Variants in SOX5 observed in about 807,000 individuals in gnomAD.
The protein encoded by SOX5 is transcription factor SOX-5.
Under a neutral mutation model 92.0 loss-of-function variants are expected in SOX5, and 9 were observed. That is an observed-to-expected ratio of 0.10 (90% confidence interval 0.06 to 0.17). The LOEUF is 0.17. Among genes scored for constraint, SOX5 ranks in the 10% least tolerant of loss-of-function variants. The pLI is 1.00. For missense variants in SOX5, 642 were observed against 944.5 expected, an observed-to-expected ratio of 0.68 and a Z score of 4.20; for synonymous variants, 344 against 336.3, an observed-to-expected ratio of 1.02 and a Z score of -0.25.
chr12:24,420,809 A>G (rs1470780502), intron 1 of SOX5, among the ~76,000 whole-genome samples: 1 of 152,168 alleles, frequency 6.6e-6, no homozygotes. Flanking sequence ...TAAATGCATC[A>G]CTTCTTATAG....
intron 3 of SOX5, among the ~76,000 whole-genome samples, chr12:24,251,443 G>T (rs985987064): frequency 6.6e-6 from 1 of 151,972 alleles, no homozygotes; most frequent in Non-Finnish European, 1.5e-5. Context: ...AATAAAATAG[G>T]TCCCATTTGC....
intron 7 of SOX5, among the ~76,000 whole-genome samples, chr12:23,652,060 C>T (rs1474838970): frequency 6.6e-6 from 1 of 151,958 alleles, no homozygotes; most frequent in Non-Finnish European, 1.5e-5. Flanking sequence ...TTTCTCTCAT[C>T]TAAATTGTTA....
chr12:24,464,507 A>AT (rs1169532791), intron 1 of SOX5, among the ~76,000 whole-genome samples: 1 of 151,864 alleles, frequency 6.6e-6, no homozygotes, highest in South Asian at 2.1e-4. Flanking sequence ...CGCCCAGCTA[A>AT]TTTTTTTGTA....
At position 23,693,191 on chromosome 12, in the gene SOX5, T is replaced by G. The variant is rs188095286; in HGVS notation, c.811-27627A>C. Among the ~76,000 whole-genome samples the G allele has an allele frequency of 5.6e-3, 846 of 152,310 alleles. 8 individuals carry two copies. Among genetic ancestry groups the G allele is most frequent in the South Asian group, 0.022 (107 of 4,822 alleles). ...AGGCTGGAGTGCAAGTGGCACGATC[T>G]CGGCTCACTGCAGTCTCTACCTCCT... On this transcript the variant is annotated intron_variant, in intron 6 of 14. Coordinates refer to ENST00000451604, the MANE Select transcript of SOX5 (RefSeq NM_006940.6).
At chr12:23,812,594 C>T (rs1460523494) in intron 3 of SOX5, among the ~76,000 whole-genome samples, 2 of 151,910 alleles carry the variant, frequency 1.3e-5, no homozygotes, top group African/African-American at 4.8e-5. Flanking sequence ...ATGAGCAAGG[C>T]CAAACCAACC....
chr12:23,718,327 T>C (rs1328311327), intron 6 of SOX5, among the ~76,000 whole-genome samples: 1 of 152,206 alleles, frequency 6.6e-6, no homozygotes, highest in Non-Finnish European at 1.5e-5. Flanking sequence ...ATCCAAGAAT[T>C]ATTCCTTCAT....
At chr12:24,184,959 A>G (rs902661441) in intron 4 of SOX5, among the ~76,000 whole-genome samples, 1 of 152,112 alleles carries the variant, frequency 6.6e-6, no homozygotes, top group Non-Finnish European at 1.5e-5. Context: ...TAATTCAGTT[A>G]GTCAATCAAC....
chr12:24,040,404 G>A (rs1193172857), intron 4 of SOX5, among the ~76,000 whole-genome samples: 3 of 152,084 alleles, frequency 2.0e-5, no homozygotes, highest in African/African-American at 7.2e-5. Context: ...TTGGAAGATG[G>A]TAGAAACAAA....
chr12:23,887,116 T>C (rs937687649), intron 2 of SOX5, among the ~76,000 whole-genome samples: 1 of 152,204 alleles, frequency 6.6e-6, no homozygotes, highest in Admixed American at 6.5e-5. Context: ...TAAAACTTAA[T>C]CATAAAACCA....
chr12:24,162,809 ATTT>A (rs763668200), intron 4 of SOX5, among the ~76,000 whole-genome samples: 20 of 152,186 alleles, frequency 1.3e-4, no homozygotes, highest in South Asian at 1.2e-3. Flanking sequence ...CTGAAGACCC[ATTT>A]TCAACAGGTT....
At chr12:23,943,094 T>C (rs1034394849) in intron 1 of SOX5, among the ~76,000 whole-genome samples, 9 of 152,012 alleles carry the variant, frequency 5.9e-5, no homozygotes, top group Non-Finnish European at 1.3e-4. Flanking sequence ...GAAATCTCCA[T>C]AGCACATGAA....
intron 6 of SOX5, among the ~76,000 whole-genome samples, chr12:23,698,267 T>C (rs2090157927): frequency 6.6e-6 from 1 of 152,204 alleles, no homozygotes; most frequent in South Asian, 2.1e-4. Flanking sequence ...TTCTTAGATA[T>C]ATGAATTTAT....
chr12:24,555,323 G>A (rs945592761), intron 1 of SOX5, among the ~76,000 whole-genome samples: 9 of 152,324 alleles, frequency 5.9e-5, no homozygotes, highest in African/African-American at 2.2e-4. Flanking sequence ...GATGGTCAAG[G>A]TCAGTTGGTA....
intron 2 of SOX5, among the ~76,000 whole-genome samples, chr12:24,326,929 C>T (rs951703087): frequency 6.6e-6 from 1 of 152,204 alleles, no homozygotes; most frequent in South Asian, 2.1e-4. Context: ...GTCTTCCCCT[C>T]TTAGAGTTTA....
At chr12:24,558,482 A>G (rs1954026698) in intron 1 of SOX5, among the ~76,000 whole-genome samples, 1 of 152,190 alleles carries the variant, frequency 6.6e-6, no homozygotes, top group South Asian at 2.1e-4. Context: ...ATGTCCCCAT[A>G]TGGCCTGGCT....
At chr12:24,060,036 A>G (rs1236521240) in intron 4 of SOX5, among the ~76,000 whole-genome samples, 1 of 152,238 alleles carries the variant, frequency 6.6e-6, no homozygotes, top group East Asian at 1.9e-4. Flanking sequence ...ATGCATAGAT[A>G]CATAAGTCCA....
intron 4 of SOX5, among the ~76,000 whole-genome samples, chr12:24,146,712 A>G (rs1951120944): frequency 6.6e-6 from 1 of 151,548 alleles, no homozygotes. Context: ...AAAATTGATG[A>G]ATCGCTAGCC....
chr12:23,871,990 A>C (rs911433654), intron 2 of SOX5, among the ~76,000 whole-genome samples: 12 of 148,412 alleles, frequency 8.1e-5, no homozygotes, highest in African/African-American at 3.0e-4. Flanking sequence ...TATTACATTT[A>C]TTCTTTTTTT....
chr12:24,225,461 A>C (rs1961682696), intron 3 of SOX5, among the ~76,000 whole-genome samples: 1 of 138,334 alleles, frequency 7.2e-6, no homozygotes, highest in African/African-American at 2.7e-5. Flanking sequence ...TAGTTGAGTA[A>C]ATTAACAATT....
Sources: gnomAD v4.1 joint callset for allele counts (sites outside exome capture counted in the v4.1 genomes callset) on GRCh38, gnomAD v4.1.1 for gene constraint, MANE v1.5 for transcripts, NCBI Gene and HGNC (gene_info 2026-07-23, HGNC 2026-07-21) for gene names.